The following WDR48 variants were observed in gnomAD, a reference collection of about 807,000 sequenced individuals.
WDR48 encodes WD repeat-containing protein 48.
WDR48 carries 22 observed loss-of-function variants against 94.0 expected under a neutral mutation model. That is an observed-to-expected ratio of 0.23 (90% CI 0.17 to 0.33). The LOEUF (loss-of-function observed/expected upper bound fraction) is 0.33. WDR48 is among the 10% of genes least tolerant of loss of function. The pLI is 1.00. For missense variants in WDR48, 541 were observed against 813.8 expected (o/e 0.66, Z 4.08); for synonymous variants, 278 against 280.5 (o/e 0.99, Z 0.09).
At chr3:39,060,474 T>C (rs2033190360) in intron 1 of WDR48, among the ~76,000 whole-genome samples, 1 of 151,924 alleles carries the variant, frequency 6.6e-6, no homozygotes, top group Admixed American at 6.5e-5. Context: ...GTTTTGTCCA[T>C]TGATGGATAT....
In WDR48 at chr3:39,066,537, GCTT is replaced by G. The variant is rs1369565786; in HGVS notation, c.269-5_269-3del. ...CTACTAAGGAGTTTGTTAATTCTTT[GCTT>G]CTTCTAGTAATATCTGCTTCTTCTG... On this transcript the variant is annotated splice_polypyrimidine_tract_variant and splice_region_variant and intron_variant, in intron 3 of 18. Coordinates refer to ENST00000302313, the MANE Select transcript of WDR48 (RefSeq NM_020839.4). 9 of 1,611,970 alleles carry G rather than the reference GCTT, an allele frequency of 5.6e-6. No homozygotes were observed. Among genetic ancestry groups the G allele is most frequent in the Middle Eastern group, 1.7e-4 (1 of 5,994 alleles).
chr3:39,066,976 T>C (rs2033645520), intron 5 of WDR48, 101 bp downstream of exon 5: 2 of 1,416,588 alleles, frequency 1.4e-6, no homozygotes, highest in Admixed American at 4.3e-5. Flanking sequence ...GAGAGAGTGT[T>C]TCATATTTTG....
chr3:39,090,916 ATTTC>A (rs1247398056), intron 16 of WDR48: 6 of 152,110 alleles, frequency 3.9e-5, no homozygotes, highest in East Asian at 1.9e-4. Flanking sequence ...TAAGCCACTA[ATTTC>A]TTTGAGTGTG....
At chr3:39,089,404 C>A (rs1270719754) in intron 16 of WDR48, 86 bp downstream of exon 16, 72 of 1,309,740 alleles carry the variant, frequency 5.5e-5, no homozygotes, top group African/African-American at 7.4e-5. Flanking sequence ...TAATTTTAAA[C>A]CTTAATAAAA....
In WDR48 at chr3:39,058,891, A is replaced by G. The variant is rs369574942; in HGVS notation, c.49-4159A>G. On this transcript the variant is annotated intron_variant, in intron 1 of 18. Coordinates refer to ENST00000302313, the MANE Select transcript of WDR48 (RefSeq NM_020839.4). ...GGAGTTTAAGACCAGCCTGGCCAAG[A>G]TGGCGAAACCCTGTCTCTACTAAAA... is the stretch of plus-strand genomic sequence containing the variant. 7.0e-4 allele frequency among the ~76,000 whole-genome samples: 107 copies of G among 152,266 alleles called. 1 individual carries two copies. The highest frequency in any genetic ancestry group is 2.6e-3 in the African/African-American group (106 of 41,556).
intron 8 of WDR48, among the ~76,000 whole-genome samples, chr3:39,076,613 T>C (rs11707101): frequency 6.6e-6 from 1 of 152,160 alleles, no homozygotes; most frequent in African/African-American, 2.4e-5. Context: ...ATTCCGCTTG[T>C]GTAATATATA....
chr3:39,089,209 C>G (rs1187157834), intron 15 of WDR48, 22 bp from the exon 16 acceptor site: 10 of 1,606,324 alleles, frequency 6.2e-6, no homozygotes, highest in Non-Finnish European at 8.5e-6. Context: ...GGGTTACTTA[C>G]TACTTGATGG....
chr3:39,073,741 A>G (rs1350378360), intron 7 of WDR48, among the ~76,000 whole-genome samples: 3 of 152,304 alleles, frequency 2.0e-5, no homozygotes, highest in South Asian at 2.1e-4. Context: ...CTCTTGAGCC[A>G]TCAGAAATTG....
intron 3 of WDR48, among the ~76,000 whole-genome samples, chr3:39,066,117 C>G (rs1041166165): frequency 6.6e-6 from 1 of 152,180 alleles, no homozygotes; most frequent in African/African-American, 2.4e-5. Flanking sequence ...GGTAACTGCT[C>G]TTCTGTCTTC....
chr3:39,091,737 A>G, intron 17 of WDR48, 36 bp downstream of exon 17: 4 of 1,488,776 alleles, frequency 2.7e-6, no homozygotes, highest in Non-Finnish European at 3.7e-6. Flanking sequence ...CTAATTAACT[A>G]CTAGAGAGAA....
chr3:39,070,844 C>T lies in WDR48; in HGVS notation c.672+1100C>T, dbSNP rs567837202. On this transcript the variant is annotated intron_variant, in intron 7 of 18. Transcript: ENST00000302313. Reference sequence around the variant, plus strand: ...TCTCCCAATGCTATCCCCCCACCCCCACAACAGTCCCCAGAGTGTGATGTT... The same window carrying T: ...TCTCCCAATGCTATCCCCCCACCCCTACAACAGTCCCCAGAGTGTGATGTT... Among the ~76,000 whole-genome samples, 251 of 152,252 alleles carry T rather than the reference C, an allele frequency of 1.6e-3. 1 individual carries two copies. The highest frequency in any genetic ancestry group is 5.8e-3 in the African/African-American group (239 of 41,538).
At chr3:39,074,130 C>T (rs1376465479) in intron 7 of WDR48, among the ~76,000 whole-genome samples, 1 of 152,214 alleles carries the variant, frequency 6.6e-6, no homozygotes, top group Non-Finnish European at 1.5e-5. Context: ...GGGCCTAGTG[C>T]ATACAGCTAC....
intron 2 of WDR48, among the ~76,000 whole-genome samples, chr3:39,063,702 G>A (rs915738914): frequency 5.3e-5 from 8 of 152,048 alleles, no homozygotes; most frequent in African/African-American, 1.2e-4. Flanking sequence ...CAACAATTTC[G>A]GAGGCCAAAG....
chr3:39,078,671 A>G (rs1257948235), intron 10 of WDR48, among the ~76,000 whole-genome samples: 4 of 151,794 alleles, frequency 2.6e-5, no homozygotes, highest in East Asian at 2.0e-4. Context: ...TGCCCGCCTC[A>G]GCCTCCCAAA....
intron 17 of WDR48, among the ~76,000 whole-genome samples, chr3:39,092,876 T>TACACACACACACACACACACACACAC (rs3033301): frequency 6.9e-6 from 1 of 145,964 alleles, no homozygotes; most frequent in African/African-American, 2.6e-5. Flanking sequence ...CATCTCTGTC[T>TACACACACACACACACACACACACAC]ACACACACAC....
intron 18 of WDR48, 27 bp from the exon 19 acceptor site, chr3:39,094,621 T>G (rs1166283654): frequency 6.2e-7 from 1 of 1,613,708 alleles, no homozygotes; most frequent in Admixed American, 1.7e-5. Flanking sequence ...GACTTTGAAA[T>G]TTTTAAATTT....
At chr3:39,068,697 C>A in intron 5 of WDR48, 74 bp from the exon 6 acceptor site, 2 of 1,021,980 alleles carry the variant, frequency 2.0e-6, no homozygotes, top group Non-Finnish European at 3.0e-6. Flanking sequence ...ATTGAATAAA[C>A]TTGCAGTTTT....
At chr3:39,056,413 T>C (rs1166337024) in intron 1 of WDR48, among the ~76,000 whole-genome samples, 1 of 152,128 alleles carries the variant, frequency 6.6e-6, no homozygotes, top group African/African-American at 2.4e-5. Context: ...ACAAGAAAAT[T>C]TCCCGGAGCT....
At chr3:39,079,317 A>G (rs1407262206) in intron 10 of WDR48, among the ~76,000 whole-genome samples, 2 of 152,232 alleles carry the variant, frequency 1.3e-5, no homozygotes, top group African/African-American at 2.4e-5. Context: ...CCTTTAGAAT[A>G]TTCATTCAGG....
Sources: allele counts gnomAD v4.1 joint callset (sites outside exome capture counted in the v4.1 genomes callset), GRCh38; gene constraint gnomAD v4.1.1; transcripts MANE v1.5; gene names NCBI Gene and HGNC (gene_info 2026-07-23, HGNC 2026-07-21).